BCKDHB: variants seen among roughly 807,000 people sequenced by gnomAD.
BCKDHB encodes the protein 2-oxoisovalerate dehydrogenase subunit beta, mitochondrial.
A neutral mutation model predicts 48.5 loss-of-function variants in BCKDHB; 41 were observed. The observed-to-expected ratio is 0.85, with a 90% CI of 0.66 to 1.10. The LOEUF is 1.10. Ranked by LOEUF, BCKDHB falls within the 50% of genes least tolerant of loss-of-function variation. BCKDHB has a pLI of 0.00. For synonymous variants in BCKDHB, 201 were observed against 174.8 expected, an observed-to-expected ratio of 1.15 and a Z score of -1.18; for missense variants, 496 against 494.2, an observed-to-expected ratio of 1.00 and a Z score of -0.03.
chr6:80,185,082 G>C (rs1358698691), intron 6 of BCKDHB, among the ~76,000 whole-genome samples: 1 of 152,012 alleles, frequency 6.6e-6, no homozygotes, highest in Non-Finnish European at 1.5e-5. Flanking sequence ...TTATTCTTAG[G>C]TTTGGTCGTT....
At chr6:80,138,343 G>A (rs1260493457) in intron 3 of BCKDHB, among the ~76,000 whole-genome samples, 1 of 151,694 alleles carries the variant, frequency 6.6e-6, no homozygotes, top group East Asian at 1.9e-4. Context: ...TGCACAATGT[G>A]CAGGTTAGTT....
chr6:80,369,249 C>G, the BCKDHB span, among the ~76,000 whole-genome samples: 1 of 151,526 alleles, frequency 6.6e-6, no homozygotes, highest in Non-Finnish European at 1.5e-5. Context: ...TATTTGTATT[C>G]TTTGTTACAG....
At chr6:80,142,676 A>G (rs1582222978) in intron 3 of BCKDHB, among the ~76,000 whole-genome samples, 1 of 151,908 alleles carries the variant, frequency 6.6e-6, no homozygotes, top group African/African-American at 2.4e-5. Context: ...TTGGGGGAGG[A>G]GGAGTATTGA....
At chr6:80,161,458 C>T (rs1352637852) in intron 3 of BCKDHB, among the ~76,000 whole-genome samples, 1 of 152,060 alleles carries the variant, frequency 6.6e-6, no homozygotes. Context: ...AATGTGATTT[C>T]TAAATCCAAA....
At chr6:80,128,128 A>T (rs1042688079) in intron 2 of BCKDHB, among the ~76,000 whole-genome samples, 7 of 151,630 alleles carry the variant, frequency 4.6e-5, no homozygotes, top group African/African-American at 1.7e-4. Flanking sequence ...TTCAAATTTG[A>T]TTGGCTTTAC....
chr6:80,172,954 A>G (rs1340088152), intron 6 of BCKDHB, among the ~76,000 whole-genome samples: 1 of 152,138 alleles, frequency 6.6e-6, no homozygotes, highest in Non-Finnish European at 1.5e-5. Flanking sequence ...AATATCAATG[A>G]TATATTGTGA....
chr6:80,431,876 A>G, the BCKDHB span, among the ~76,000 whole-genome samples: 1 of 152,188 alleles, frequency 6.6e-6, no homozygotes, highest in South Asian at 2.1e-4. Context: ...GAGCTCTTGT[A>G]AGGCAGGACT....
the BCKDHB span, among the ~76,000 whole-genome samples, chr6:80,404,175 A>T: frequency 2.6e-5 from 4 of 151,996 alleles, no homozygotes; most frequent in Admixed American, 1.3e-4. Context: ...ATGTTGTTAG[A>T]ACTCAACTGT....
chr6:80,201,115 A>T, intron 7 of BCKDHB, 84 bp downstream of exon 7: 1 of 1,177,964 alleles, frequency 8.5e-7, no homozygotes, highest in South Asian at 1.2e-5. Context: ...AAAAATTGAA[A>T]ACGATGTTTT....
the BCKDHB span, among the ~76,000 whole-genome samples, chr6:80,460,730 C>T: frequency 1.3e-5 from 2 of 152,116 alleles, no homozygotes; most frequent in Admixed American, 6.5e-5. Context: ...ACTCAAAACT[C>T]TGCTGAGTTA....
At chr6:80,164,925 G>A (rs1001402226) in intron 3 of BCKDHB, among the ~76,000 whole-genome samples, 2 of 152,180 alleles carry the variant, frequency 1.3e-5, no homozygotes, top group Non-Finnish European at 2.9e-5. Context: ...GTATCTGGGA[G>A]AAAATAGAAA....
At chr6:80,287,045 G>A (rs1292298804) in intron 9 of BCKDHB, among the ~76,000 whole-genome samples, 1 of 152,128 alleles carries the variant, frequency 6.6e-6, no homozygotes, top group African/African-American at 2.4e-5. Context: ...GCCAAAGGGA[G>A]GTGAACTGGT....
chr6:80,370,876 A>G, the BCKDHB span, among the ~76,000 whole-genome samples: 11 of 151,206 alleles, frequency 7.3e-5, no homozygotes, highest in African/African-American at 2.7e-4. Context: ...TATTTTCTTT[A>G]TCCACTCATT....
chr6:80,172,482 G>A lies in BCKDHB; in HGVS notation c.742+1092G>A, dbSNP rs1235079386. Among the ~76,000 whole-genome samples, 4 of 151,886 alleles carry A rather than the reference G, an allele frequency of 2.6e-5. No homozygotes were observed. In the East Asian group the frequency reaches 7.7e-4, roughly 29 times the overall value. ...CTACTAAGTAATAATAATTTTTCTT[G>A]TTATTCTTATTTTTCTAAGTATTCT... On this transcript the variant is annotated intron_variant, in intron 6 of 9. Coordinates refer to ENST00000320393, the MANE Select transcript of BCKDHB (RefSeq NM_183050.4).
At chr6:80,224,994 A>G (rs1775621698) in intron 8 of BCKDHB, among the ~76,000 whole-genome samples, 1 of 152,188 alleles carries the variant, frequency 6.6e-6, no homozygotes, top group Admixed American at 6.5e-5. Context: ...GTTGAACTGA[A>G]ATTTGCCTTT....
chr6:80,216,891 A>G (rs1038287210), intron 8 of BCKDHB, among the ~76,000 whole-genome samples: 3 of 152,202 alleles, frequency 2.0e-5, no homozygotes, highest in Non-Finnish European at 1.5e-5. Context: ...AATTTAACTT[A>G]AAAATTTATT....
At chr6:80,134,109 A>T (rs1690448578) in intron 3 of BCKDHB, among the ~76,000 whole-genome samples, 2 of 152,134 alleles carry the variant, frequency 1.3e-5, no homozygotes, top group Admixed American at 1.3e-4. Context: ...GTATGTTTGT[A>T]ACATTATTCT....
chr6:80,401,378 G>A, the BCKDHB span, among the ~76,000 whole-genome samples: 9 of 151,440 alleles, frequency 5.9e-5, no homozygotes, highest in African/African-American at 9.7e-5. Flanking sequence ...AGATCCCCCC[G>A]ACCCCTTTTT....
intron 3 of BCKDHB, among the ~76,000 whole-genome samples, chr6:80,146,101 A>G (rs918719898): frequency 1.3e-5 from 2 of 152,078 alleles, no homozygotes. Flanking sequence ...GTCTCACCCC[A>G]GAGATTAGGA....
Sources: gnomAD v4.1 joint callset for allele counts (sites outside exome capture counted in the v4.1 genomes callset) on GRCh38, gnomAD v4.1.1 for gene constraint, MANE v1.5 for transcripts, NCBI Gene and HGNC (gene_info 2026-07-23, HGNC 2026-07-21) for gene names.